PIGX: variants seen among roughly 807,000 people sequenced by gnomAD.
The protein encoded by PIGX is phosphatidylinositol glycan anchor biosynthesis class X.
Under a neutral mutation model 28.7 loss-of-function variants are expected in PIGX, and 24 were observed. That is an observed-to-expected ratio of 0.84 (90% CI 0.60 to 1.17). PIGX has a LOEUF of 1.17. PIGX is among the 50% of genes most tolerant of loss of function. The pLI is 0.00. For missense variants in PIGX, 305 were observed against 317.8 expected, an observed-to-expected ratio of 0.96 and a Z score of 0.31; for synonymous variants, 127 against 121.0, an observed-to-expected ratio of 1.05 and a Z score of -0.33.
intron 2 of PIGX, among the ~76,000 whole-genome samples, chr3:196,717,574 T>G (rs1338078182): frequency 2.0e-5 from 3 of 152,174 alleles, no homozygotes; most frequent in South Asian, 4.1e-4. Flanking sequence ...ATACAGAGGT[T>G]GTTATATATA....
intron 5 of PIGX, among the ~76,000 whole-genome samples, chr3:196,732,046 A>G (rs940013319): frequency 4.0e-5 from 6 of 149,636 alleles, no homozygotes; most frequent in Non-Finnish European, 7.4e-5. Flanking sequence ...GGCTGGTCTC[A>G]AACTCCTGAC....
At chr3:196,723,214 G>A (rs567143378) in intron 3 of PIGX, among the ~76,000 whole-genome samples, 27 of 152,264 alleles carry the variant, frequency 1.8e-4, no homozygotes, top group Non-Finnish European at 3.4e-4. Flanking sequence ...GGTGGTGGGC[G>A]CCTGTAATCC....
chr3:196,731,209 G>T, intron 5 of PIGX, 117 bp downstream of exon 5: 1 of 459,088 alleles, frequency 2.2e-6, no homozygotes, highest in Non-Finnish European at 4.0e-6. Context: ...GCGGAGTCTC[G>T]CTCTGTCACC....
rs1010016719 is a variant in PIGX at position 196,734,800 on chromosome 3, T to C, written c.*898T>C. 2.0e-5 allele frequency: 3 copies of C among 152,194 alleles called. No individual in the cohort carries two copies. The highest frequency in any genetic ancestry group is 4.4e-5 in the Non-Finnish European group (3 of 68,026). The allele number at this position is 152,194 out of a possible 1,614,324, so 9.4% of individuals were successfully genotyped here. ...TCATGTTTCTTTTGAATATATGAAT[T>C]GGCAAAGGACTTGATGAAACTGAGT... On this transcript the variant is annotated 3_prime_UTR_variant, in exon 6 of 6. Transcript: ENST00000392391.
At chr3:196,722,883 A>G (rs1712376580) in intron 3 of PIGX, among the ~76,000 whole-genome samples, 1 of 152,256 alleles carries the variant, frequency 6.6e-6, no homozygotes, top group Admixed American at 6.5e-5. Context: ...CATATACCCC[A>G]ACATCTGGGT....
At chr3:196,716,501 G>T (rs1712103552) in intron 1 of PIGX, among the ~76,000 whole-genome samples, 1 of 152,066 alleles carries the variant, frequency 6.6e-6, no homozygotes, top group African/African-American at 2.4e-5. Context: ...CACTTACATA[G>T]AACACTTAAT....
Position 196,734,029 on chromosome 3 carries a change from G to C in PIGX, c.*127G>C. 1.5e-6 allele frequency: 1 copy of C among 649,204 alleles called. No individual in the cohort carries two copies. Among genetic ancestry groups the C allele is most frequent in the Non-Finnish European group, 2.7e-6 (1 of 377,092 alleles). The allele number at this position is 649,204 out of a possible 1,614,324, so 40.2% of individuals were successfully genotyped here. A position where few individuals can be genotyped will look rare whatever the true frequency, so the allele number is the denominator to read the frequency against. Reference sequence around the variant, plus strand: ...TTTGTGGCCAAAATTATGTTTACTAGAGGAAATTTGGGATCATTCTCAGCT... The same window carrying C: ...TTTGTGGCCAAAATTATGTTTACTACAGGAAATTTGGGATCATTCTCAGCT... On this transcript the variant is annotated 3_prime_UTR_variant, in exon 6 of 6. Transcript: ENST00000392391.
chr3:196,723,942 T>C (rs1206192652), intron 3 of PIGX, among the ~76,000 whole-genome samples: 2 of 152,066 alleles, frequency 1.3e-5, no homozygotes, highest in African/African-American at 4.8e-5. Flanking sequence ...TCAGCAAGTG[T>C]GTTCTCAGTT....
chr3:196,734,253 A>C lies in PIGX; in HGVS notation c.*351A>C, dbSNP rs1203530666. On this transcript the variant is annotated 3_prime_UTR_variant, in exon 6 of 6. Transcript: ENST00000392391. ...TTTGCAAGTACTTTCAATTTAAGCT[A>C]CAAATTGAGAAAACCGTTATAAATA... is the stretch of plus-strand genomic sequence containing the variant. The C allele has an allele frequency of 5.4e-6, 1 of 184,594 alleles. No homozygotes were observed. Among genetic ancestry groups the C allele is most frequent in the Non-Finnish European group, 1.1e-5 (1 of 88,766 alleles). 11.4% of individuals were successfully genotyped at this position (184,594 alleles called of 1,614,324 possible).
At chr3:196,726,584 G>C in intron 3 of PIGX, 1 of 441,306 alleles carries the variant, frequency 2.3e-6, no homozygotes, top group South Asian at 1.6e-5. Flanking sequence ...TTCAAATGCA[G>C]CTAATATGAT....
intron 2 of PIGX, among the ~76,000 whole-genome samples, chr3:196,717,300 C>CAA (rs55850813): frequency 8.3e-6 from 1 of 120,906 alleles, no homozygotes; most frequent in East Asian, 2.8e-4. Flanking sequence ...GACTCTGTCT[C>CAA]AAAAAAAGAA....
chr3:196,729,611 A>G (rs1230179134), intron 4 of PIGX, among the ~76,000 whole-genome samples: 4 of 149,458 alleles, frequency 2.7e-5, no homozygotes, highest in Non-Finnish European at 6.0e-5. Context: ...CTAGTCTCGA[A>G]CTCCTGACCT....
At chr3:196,712,810 C>A (rs1711885934) in intron 1 of PIGX, 166 bp downstream of exon 1, 2 of 1,104,870 alleles carry the variant, frequency 1.8e-6, no homozygotes, top group Non-Finnish European at 2.2e-6. Context: ...CTCCCGTGCG[C>A]TTTGCTCTGC....
intron 5 of PIGX, among the ~76,000 whole-genome samples, chr3:196,732,245 TATATATATATA>T (rs1260262075): frequency 0.027 from 1,100 of 40,914 alleles, 27 homozygotes; most frequent in Non-Finnish European, 0.036. Context: ...TATATATATA[TATATATATATA>T]TTTTATTTTA....
At chr3:196,725,902 T>C (rs1712501326) in intron 3 of PIGX, among the ~76,000 whole-genome samples, 1 of 152,136 alleles carries the variant, frequency 6.6e-6, no homozygotes, top group Admixed American at 6.6e-5. Context: ...TAAAAAAATA[T>C]CAAACTTTTT....
At chr3:196,724,013 T>A (rs534477027) in intron 3 of PIGX, among the ~76,000 whole-genome samples, 9 of 151,658 alleles carry the variant, frequency 5.9e-5, no homozygotes, top group South Asian at 4.2e-4. Context: ...CATTTTTTTT[T>A]AATTTAATGT....
chr3:196,720,579 T>C (rs1162911213), intron 2 of PIGX, among the ~76,000 whole-genome samples: 6 of 152,248 alleles, frequency 3.9e-5, no homozygotes, highest in Admixed American at 1.3e-4. Context: ...GTGATAATTC[T>C]ATTGTAATTT....
intron 4 of PIGX, 37 bp downstream of exon 4, chr3:196,728,173 C>G (rs768538983): frequency 6.5e-7 from 1 of 1,541,102 alleles, no homozygotes; most frequent in South Asian, 1.1e-5. Flanking sequence ...GTTGAAACAT[C>G]AGAATAAAGG....
At chr3:196,715,397 T>C (rs1485251396) in intron 1 of PIGX, among the ~76,000 whole-genome samples, 1 of 152,208 alleles carries the variant, frequency 6.6e-6, no homozygotes, top group African/African-American at 2.4e-5. Context: ...TACTAATGCT[T>C]TAGAAGTTCA....
Sources: gnomAD v4.1 joint callset for allele counts (sites outside exome capture counted in the v4.1 genomes callset) on GRCh38, gnomAD v4.1.1 for gene constraint, MANE v1.5 for transcripts, NCBI Gene and HGNC (gene_info 2026-07-23, HGNC 2026-07-21) for gene names.